Variants in NPAS3 observed in about 807,000 individuals in gnomAD.
The protein encoded by NPAS3 is neuronal PAS domain-containing protein 3.
In NPAS3, 14 loss-of-function variants were observed where a neutral mutation model predicts 73.1. The observed-to-expected ratio is 0.19, with a 90% CI of 0.13 to 0.30. NPAS3 has a LOEUF of 0.30. Ranked by LOEUF, NPAS3 falls within the 10% of genes least tolerant of loss-of-function variation. The probability of loss-of-function intolerance (pLI) is 1.00; values close to 1 mark genes in which losing one functional copy is unlikely to be tolerated. For missense variants in NPAS3, 1,096 were observed against 1,250.0 expected (o/e 0.88, Z 1.86); for synonymous variants, 620 against 541.5 (o/e 1.14, Z -2.01).
At position 33,799,715 on chromosome 14, in the gene NPAS3, G is replaced by C. The variant is rs914019567; in HGVS notation, c.1427-19G>C. The stretch of plus-strand genomic sequence containing the variant: ...TTCTCTCTCCGCCCCCGCCACCGCC[G>C]GCCCCCCGCCCCACACAGAGGACAA... On this transcript the variant is annotated intron_variant, in intron 11 of 11. Transcript: ENST00000356141. 4 of 1,546,420 alleles carry C rather than the reference G, an allele frequency of 2.6e-6. No homozygotes were observed. Among genetic ancestry groups the C allele is most frequent in the Non-Finnish European group, 3.5e-6 (4 of 1,146,034 alleles).
At chr14:33,126,701 C>A (rs990519854) in intron 2 of NPAS3, among the ~76,000 whole-genome samples, 15 of 152,212 alleles carry the variant, frequency 9.9e-5, no homozygotes, top group Admixed American at 2.0e-4. Flanking sequence ...AAGACTGTGG[C>A]AGCTCATGCC....
intron 3 of NPAS3, among the ~76,000 whole-genome samples, chr14:33,235,796 G>A (rs2048011759): frequency 7.6e-6 from 1 of 131,310 alleles, no homozygotes. Context: ...AAGTTCTGTT[G>A]ATACAATTCT....
At chr14:32,986,707 A>C (rs930331009) in intron 1 of NPAS3, among the ~76,000 whole-genome samples, 2 of 152,250 alleles carry the variant, frequency 1.3e-5, no homozygotes, top group African/African-American at 4.8e-5. Context: ...GTAGTAGTTA[A>C]AAAAGTTAGC....
At chr14:32,996,475 C>T (rs898794895) in intron 1 of NPAS3, among the ~76,000 whole-genome samples, 2 of 152,194 alleles carry the variant, frequency 1.3e-5, no homozygotes, top group African/African-American at 4.8e-5. Context: ...CATCCCATCA[C>T]AGGCCCAGAG....
chr14:33,485,869 A>C (rs2051566539), intron 4 of NPAS3, among the ~76,000 whole-genome samples: 1 of 151,812 alleles, frequency 6.6e-6, no homozygotes, highest in Non-Finnish European at 1.5e-5. Flanking sequence ...TCTCTGCCCC[A>C]AGGAGGGTGG....
intron 4 of NPAS3, among the ~76,000 whole-genome samples, chr14:33,449,278 C>T (rs1481224739): frequency 6.6e-6 from 1 of 152,178 alleles, no homozygotes; most frequent in African/African-American, 2.4e-5. Context: ...GATGGAATAA[C>T]CTCTATCTTA....
chr14:33,325,171 T>A lies in NPAS3; in HGVS notation c.386-42015T>A, dbSNP rs1304221006. On this transcript the variant is annotated intron_variant, in intron 3 of 11. Transcript: ENST00000356141. ...ATGAACCAATTTTTTTTTTAAAAAA[T>A]TAATTTTTAATTTTTGTGGGCACAT... Among the ~76,000 whole-genome samples the A allele has an allele frequency of 3.9e-5, 6 of 152,100 alleles. No individual in the cohort carries two copies. The South Asian group carries it at 1.2e-3, about 32-fold the overall frequency.
chr14:33,396,129 T>G (rs960567585), intron 4 of NPAS3, among the ~76,000 whole-genome samples: 1 of 152,140 alleles, frequency 6.6e-6, no homozygotes, highest in Admixed American at 6.5e-5. Context: ...TGAACCTCAT[T>G]GAGATAAATA....
intron 6 of NPAS3, among the ~76,000 whole-genome samples, chr14:33,690,974 G>A (rs1001402211): frequency 6.6e-6 from 1 of 151,648 alleles, no homozygotes; most frequent in South Asian, 2.1e-4. Context: ...CAAGACGAAT[G>A]TGCTTTAATC....
intron 2 of NPAS3, 26 bp downstream of exon 2, chr14:33,056,020 C>G: frequency 1.2e-6 from 1 of 803,296 alleles, no homozygotes; most frequent in Non-Finnish European, 2.2e-6. Context: ...TGTGAGTCTT[C>G]CTTCTGGCTC....
chr14:33,544,780 T>TGTATGTGTTTATGG (rs2139655497), intron 4 of NPAS3, among the ~76,000 whole-genome samples: 1 of 52,776 alleles, frequency 1.9e-5, no homozygotes, highest in Admixed American at 1.8e-4. Flanking sequence ...TGTGTTTATG[T>TGTATGTGTTTATGG]GTGTGTATTA....
chr14:33,526,187 T>A (rs1011702661), intron 4 of NPAS3, among the ~76,000 whole-genome samples: 1 of 152,156 alleles, frequency 6.6e-6, no homozygotes, highest in African/African-American at 2.4e-5. Context: ...TTCATAACTC[T>A]CAGAAATGAT....
exon 6 of NPAS3, chr14:33,676,351 A>G (rs984050269): frequency 1.9e-6 from 3 of 1,595,558 alleles, no homozygotes; most frequent in Non-Finnish European, 2.6e-6. Flanking sequence ...CCAGCTCAGC[A>G]TCTTCCTCCT....
At chr14:33,284,832 C>G (rs1416601616) in intron 3 of NPAS3, among the ~76,000 whole-genome samples, 3 of 151,760 alleles carry the variant, frequency 2.0e-5, no homozygotes, top group Non-Finnish European at 2.9e-5. Flanking sequence ...TTCTCAACAT[C>G]TGCCTGTAGT....
In NPAS3 at chr14:33,651,929, A is replaced by G. The variant is rs74545997; in HGVS notation, c.559-24282A>G. Among the ~76,000 whole-genome samples the G allele has an allele frequency of 1.6e-4, 25 of 152,160 alleles. 1 individual carries two copies. Among genetic ancestry groups the G allele is most frequent in the African/African-American group, 6.0e-4 (25 of 41,428 alleles). ...AACAACATGTTAAAGTTTAAAAATG[A>G]TAAGGCTTAGCATGGCAGCCTGCTA... On this transcript the variant is annotated intron_variant, in intron 5 of 11. Transcript: ENST00000356141.
chr14:33,483,438 G>A (rs1186222637), intron 4 of NPAS3, among the ~76,000 whole-genome samples: 2 of 152,172 alleles, frequency 1.3e-5, no homozygotes, highest in Non-Finnish European at 2.9e-5. Context: ...TCTATCCGGA[G>A]CAAGAGAACC....
chr14:32,953,022 G>A (rs1475207226), intron 1 of NPAS3, among the ~76,000 whole-genome samples: 1 of 151,032 alleles, frequency 6.6e-6, no homozygotes, highest in Non-Finnish European at 1.5e-5. Context: ...AGTGAGTTAT[G>A]TTCATACCAT....
intron 2 of NPAS3, among the ~76,000 whole-genome samples, chr14:33,163,826 TG>T (rs1193464640): frequency 6.6e-6 from 1 of 152,216 alleles, no homozygotes; most frequent in Non-Finnish European, 1.5e-5. Flanking sequence ...GGTATTTAAC[TG>T]GGAACTGGTA....
At chr14:33,647,286 C>A (rs1463206752) in intron 5 of NPAS3, among the ~76,000 whole-genome samples, 73 of 151,226 alleles carry the variant, frequency 4.8e-4, no homozygotes, top group Middle Eastern at 3.4e-3. Flanking sequence ...CTCTCTCTCT[C>A]TCTCTATATA....
Sources: allele counts gnomAD v4.1 joint callset (sites outside exome capture counted in the v4.1 genomes callset), GRCh38; gene constraint gnomAD v4.1.1; transcripts MANE v1.5; gene names NCBI Gene and HGNC (gene_info 2026-07-23, HGNC 2026-07-21).